Variants in TNN observed in about 807,000 individuals in gnomAD.
The protein encoded by TNN is tenascin-N.
In TNN, 122 loss-of-function variants were observed where a neutral mutation model predicts 134.4. The ratio of observed to expected loss-of-function variants is 0.91; its 90% CI spans 0.78 to 1.06. The LOEUF is 1.06. TNN is among the 50% of genes least tolerant of loss of function. The pLI, the probability that TNN is intolerant of heterozygous loss-of-function variation, is 0.00. For synonymous variants in TNN, 710 were observed against 670.3 expected (o/e 1.06, Z -0.91); for missense variants, 1,739 against 1,699.4 (o/e 1.02, Z -0.41).
At position 175,077,455 on chromosome 1, in the gene TNN, C is replaced by T. The variant is rs1303222885; in HGVS notation, c.37C>T (p.Leu13Phe). ...GGAGATGTTCCGCTTCCCTATGGGGCTCCTGCTTGGCTCTGTGCTCCTGGT... is the reference window on the plus strand; with the variant it reads ...GGAGATGTTCCGCTTCCCTATGGGGTTCCTGCTTGGCTCTGTGCTCCTGGT... Reference protein sequence around the residue: ...LQEMFRFPMGLLLGSVLLVAS... With the variant: ...LQEMFRFPMGFLLGSVLLVAS... The change falls in exon 2 of 19, where the codon CTC becomes TTC. Residue 13 changes from leucine (L) to phenylalanine (F), a missense_variant. Leu to Phe is a conservative substitution (Grantham distance 22). Coordinates refer to ENST00000239462, the MANE Select transcript of TNN (RefSeq NM_022093.2). 7 of 1,613,730 alleles carry T rather than the reference C, an allele frequency of 4.3e-6. No individual in the cohort carries two copies. The highest frequency in any genetic ancestry group is 5.9e-6 in the Non-Finnish European group (7 of 1,180,002).
At chr1:175,093,402 T>C (rs1894685) in intron 6 of TNN, among the ~76,000 whole-genome samples, 83,417 of 152,078 alleles carry the variant, frequency 0.55, 23,476 homozygotes, top group African/African-American at 0.69. Flanking sequence ...GTGGGGATTT[T>C]TGACTGTTTT....
At chr1:175,138,086 A>G (rs1335293885) in intron 17 of TNN, among the ~76,000 whole-genome samples, 1 of 152,108 alleles carries the variant, frequency 6.6e-6, no homozygotes, top group Admixed American at 6.5e-5. Flanking sequence ...CAGAGGCAAG[A>G]ATGCTGGAGT....
rs1188160024 is a variant in TNN, at chr1:175,104,964, T to A, written c.2119+6369T>A. ...ACACAGATCAACAGATGTTTACGAC[T>A]CCAGTCCCCATGATCTGAGTCAAAG... On this transcript the variant is annotated intron_variant, in intron 9 of 18. Coordinates refer to ENST00000239462, the MANE Select transcript of TNN (RefSeq NM_022093.2). Among the ~76,000 whole-genome samples the A allele has an allele frequency of 4.1e-5, 6 of 145,738 alleles. 2 individuals carry two copies. In the East Asian group the frequency reaches 1.4e-3, roughly 34 times the overall value.
At chr1:175,145,466 T>C (rs953788442) in intron 18 of TNN, among the ~76,000 whole-genome samples, 1 of 140,742 alleles carries the variant, frequency 7.1e-6, no homozygotes, top group Non-Finnish European at 1.5e-5. Flanking sequence ...GGCAGGAAGA[T>C]CACTTGAGCC....
chr1:175,137,343 G>A (rs1030647563), intron 17 of TNN, among the ~76,000 whole-genome samples: 1 of 143,910 alleles, frequency 6.9e-6, no homozygotes, highest in Admixed American at 7.1e-5. Flanking sequence ...CAGTGTGGCT[G>A]TCATCTTTGT....
intron 17 of TNN, 116 bp from the exon 18 acceptor site, chr1:175,144,271 T>C: frequency 1.0e-6 from 1 of 953,704 alleles, no homozygotes; most frequent in Non-Finnish European, 1.6e-6. Flanking sequence ...ACCTGTGACA[T>C]GACTGGCTGC....
chr1:175,142,571 C>T (rs561299091), intron 17 of TNN, among the ~76,000 whole-genome samples: 19 of 152,158 alleles, frequency 1.2e-4, no homozygotes, highest in African/African-American at 2.9e-4. Context: ...CTGTAGTTTC[C>T]GGTTCTGTAG....
At chr1:175,109,757 A>G (rs1478403183) in intron 9 of TNN, among the ~76,000 whole-genome samples, 1 of 151,318 alleles carries the variant, frequency 6.6e-6, no homozygotes, top group Non-Finnish European at 1.5e-5. Context: ...TCCATCCACT[A>G]GTGGACAGTT....
intron 6 of TNN, among the ~76,000 whole-genome samples, chr1:175,093,730 T>G (rs1257676829): frequency 6.6e-6 from 1 of 152,164 alleles, no homozygotes; most frequent in Non-Finnish European, 1.5e-5. Context: ...GGAGTTACAT[T>G]TGAAGGAGTT....
chr1:175,145,573 A>AAAAAAAAAACAAAAAAAC (rs1676044806), intron 18 of TNN, among the ~76,000 whole-genome samples: 1 of 149,690 alleles, frequency 6.7e-6, no homozygotes, highest in African/African-American at 2.5e-5. Flanking sequence ...AAAAAAAAAA[A>AAAAAAAAAACAAAAAAAC]AAGCTGTCTC....
intron 9 of TNN, among the ~76,000 whole-genome samples, chr1:175,109,042 C>T (rs1674945909): frequency 6.7e-6 from 1 of 148,272 alleles, no homozygotes; most frequent in South Asian, 2.1e-4. Flanking sequence ...TGCTATCAAA[C>T]ACTAGAATGT....
intron 11 of TNN, among the ~76,000 whole-genome samples, chr1:175,119,629 CTTTTTTTTCT>C (rs1326973628): frequency 4.5e-5 from 6 of 133,498 alleles, no homozygotes; most frequent in African/African-American, 1.3e-4. Flanking sequence ...CCATGAATGC[CTTTTTTTTCT>C]TTTTTTTTTT....
At position 175,098,538 on chromosome 1, in the gene TNN, G is replaced by T. The variant is rs149504279; in HGVS notation, c.2062G>T (p.Val688Leu). The T allele has an allele frequency of 2.8e-3, 4,535 of 1,614,174 alleles. 137 individuals are homozygous for T. In the South Asian group the frequency reaches 0.046, roughly 16 times the overall value. The stretch of plus-strand genomic sequence containing the variant: ...ACCGGGTATGGAGTACATGGTGCAC[G>T]TGTGGGCCCAGAAGGGGGACCAGGA... ...LRPGMEYMVH[V>L]WAQKGDQESK... Residue 688 changes from valine (V) to leucine (L), a missense_variant, in exon 9 of 19, where the codon GTG becomes TTG. Coordinates refer to ENST00000239462, the MANE Select transcript of TNN (RefSeq NM_022093.2).
intron 6 of TNN, among the ~76,000 whole-genome samples, chr1:175,088,845 G>A (rs776543657): frequency 1.3e-5 from 2 of 152,160 alleles, no homozygotes; most frequent in Non-Finnish European, 2.9e-5. Flanking sequence ...ATAATGTGAC[G>A]TATCCTTCCA....
intron 12 of TNN, among the ~76,000 whole-genome samples, chr1:175,124,987 A>C (rs983816161): frequency 6.6e-6 from 1 of 152,234 alleles, no homozygotes; most frequent in East Asian, 1.9e-4. Context: ...TCAAGTCCAT[A>C]ACCAGGGAGT....
intron 9 of TNN, among the ~76,000 whole-genome samples, chr1:175,111,425 C>T (rs1222652580): frequency 1.5e-4 from 19 of 123,868 alleles, no homozygotes; most frequent in African/African-American, 4.9e-4. Context: ...AGATGGAGGT[C>T]GCAGTGAGCT....
chr1:175,107,534 G>A lies in TNN; in HGVS notation c.2119+8939G>A, dbSNP rs1459692685. On this transcript the variant is annotated intron_variant, in intron 9 of 18. Coordinates refer to ENST00000239462, the MANE Select transcript of TNN (RefSeq NM_022093.2). ...AGGAGTGAAGCTGCAGATCTTCGCG[G>A]TGAGTGTTACAGCTCATAAAAGCAG... is the stretch of plus-strand genomic sequence containing the variant. Among the ~76,000 whole-genome samples, 2 of 147,060 alleles carry A rather than the reference G, an allele frequency of 1.4e-5. 1 individual carries two copies. Among genetic ancestry groups the A allele is most frequent in the East Asian group, 4.5e-4 (2 of 4,478 alleles).
Position 175,079,394 on chromosome 1 carries a change from C to A in TNN, c.471C>A (p.Cys157Ter). Residue 157 changes from cysteine to a stop codon, truncating the protein, a stop_gained, in exon 3 of 19, where the codon TGC becomes TGA. Transcript: ENST00000239462. LOFTEE classifies it high-confidence loss of function. ...TFSLETCSCH[C>*]EEGREGPACE... ...CCCTGGAGACCTGCAGCTGCCACTG[C>A]GAAGAGGGCAGGGAGGGCCCCGCCT... 1 of 1,598,844 alleles carries A rather than the reference C, an allele frequency of 6.3e-7. No individual in the cohort carries two copies. The highest frequency in any genetic ancestry group is 8.5e-7 in the Non-Finnish European group (1 of 1,176,460).
chr1:175,087,339 C>T (rs1054290476), intron 6 of TNN, among the ~76,000 whole-genome samples: 43 of 152,170 alleles, frequency 2.8e-4, no homozygotes, highest in Admixed American at 2.6e-3. Flanking sequence ...TAGTCAATTA[C>T]GTGTTGAGTA....
Sources: gnomAD v4.1 joint callset for allele counts (sites outside exome capture counted in the v4.1 genomes callset) on GRCh38, gnomAD v4.1.1 for gene constraint, MANE v1.5 for transcripts, NCBI Gene and HGNC (gene_info 2026-07-23, HGNC 2026-07-21) for gene names.